The following PEX11G variants were observed in gnomAD, a reference collection of about 807,000 sequenced individuals.
The protein encoded by PEX11G is peroxisomal membrane protein 11C.
Under a neutral mutation model 22.5 loss-of-function variants are expected in PEX11G, and 20 were observed. The observed-to-expected ratio is 0.89, with a 90% CI of 0.62 to 1.29. PEX11G has a LOEUF of 1.29. Ranked by LOEUF, PEX11G falls within the 50% of genes most tolerant of loss-of-function variation. The probability of loss-of-function intolerance (pLI) is 0.00; values close to 1 mark genes in which losing one functional copy is unlikely to be tolerated. For synonymous variants in PEX11G, 141 were observed against 154.5 expected, an observed-to-expected ratio of 0.91 and a Z score of 0.65; for missense variants, 347 against 331.3, an observed-to-expected ratio of 1.05 and a Z score of -0.37.
intron 1 of PEX11G, among the ~76,000 whole-genome samples, chr19:7,486,752 A>AC (rs141966278): frequency 0.047 from 7,139 of 152,146 alleles, 226 homozygotes; most frequent in East Asian, 0.11. Context: ...GGCACCCGCC[A>AC]CCAAGCCCAC....
At chr19:7,483,895 C>A (rs1416848853) in intron 2 of PEX11G, among the ~76,000 whole-genome samples, 2 of 152,146 alleles carry the variant, frequency 1.3e-5, no homozygotes, top group African/African-American at 4.8e-5. Flanking sequence ...GGCTGGCACG[C>A]CTGTGGGACG....
intron 3 of PEX11G, 58 bp downstream of exon 3, chr19:7,481,975 T>C: frequency 6.9e-7 from 1 of 1,451,084 alleles, no homozygotes; most frequent in South Asian, 1.4e-5. Context: ...GCTGCCACTT[T>C]GCTAAGGAGG....
In PEX11G at chr19:7,480,110, A is replaced by C. The variant is rs889564923; in HGVS notation, c.429-1734T>G. The stretch of plus-strand genomic sequence containing the variant: ...AAAACCGTGTCTCTACAGAAAAAAA[A>C]TTACAAAAATTAGCCAGATATGGTG... On this transcript the variant is annotated intron_variant, in intron 3 of 4. Transcript: ENST00000221480. Among the ~76,000 whole-genome samples, 5 of 152,136 alleles carry C rather than the reference A, an allele frequency of 3.3e-5. 1 individual carries two copies. Among genetic ancestry groups the C allele is most frequent in the Non-Finnish European group, 7.4e-5 (5 of 68,022 alleles).
rs754500310 is a variant in PEX11G, at chr19:7,489,018, C to T, written c.-8G>A. ...GCCGCTCAGCGACGCCATGGCAACT[C>T]CGTGACGTCACCGCGACGTCGGCGC... On this transcript the variant is annotated 5_prime_UTR_variant, in exon 1 of 5. Transcript: ENST00000221480. The T allele has an allele frequency of 6.6e-7, 1 of 1,517,234 alleles. No homozygotes were observed. Among genetic ancestry groups the T allele is most frequent in the African/African-American group, 1.4e-5 (1 of 69,600 alleles). The allele number at this position is 1,517,234 out of a possible 1,614,324, so 94.0% of individuals were successfully genotyped here. A position where few individuals can be genotyped will look rare whatever the true frequency, so the allele number is the denominator to read the frequency against.
chr19:7,486,448 T>C (rs575616551), intron 1 of PEX11G, among the ~76,000 whole-genome samples: 1 of 151,248 alleles, frequency 6.6e-6, no homozygotes, highest in Admixed American at 6.6e-5. Context: ...AGATTCTAAA[T>C]CTACAAAGTG....
chr19:7,478,567 G>A (rs564677380), intron 3 of PEX11G, among the ~76,000 whole-genome samples, 191 bp from the exon 4 acceptor site: 1 of 152,340 alleles, frequency 6.6e-6, no homozygotes, highest in African/African-American at 2.4e-5. Flanking sequence ...CTCTAACACG[G>A]CCCCGTCCCA....
At chr19:7,482,446 G>C (rs1245845513) in intron 2 of PEX11G, among the ~76,000 whole-genome samples, 2 of 152,224 alleles carry the variant, frequency 1.3e-5, no homozygotes, top group African/African-American at 4.8e-5. Context: ...TCTCAACGCA[G>C]CTGTGCAGTG....
chr19:7,481,367 A>G (rs1977482299), intron 3 of PEX11G, among the ~76,000 whole-genome samples: 1 of 151,964 alleles, frequency 6.6e-6, no homozygotes, highest in Non-Finnish European at 1.5e-5. Context: ...AGCCCAGCTA[A>G]TTTTTTGTAT....
intron 2 of PEX11G, 94 bp downstream of exon 2, chr19:7,485,744 C>T: frequency 6.0e-6 from 7 of 1,176,182 alleles, no homozygotes; most frequent in South Asian, 3.3e-5. Flanking sequence ...GCTGGGATTA[C>T]AAGCATGAGC....
upstream of PEX11G, chr19:7,489,518 A>G (rs2021827439): frequency 1.0e-6 from 1 of 984,174 alleles, no homozygotes; most frequent in Non-Finnish European, 1.2e-6. Context: ...TTGTTCTAGA[A>G]TACATAAATA....
chr19:7,487,032 G>T (rs924239977), intron 1 of PEX11G, among the ~76,000 whole-genome samples: 1 of 151,636 alleles, frequency 6.6e-6, no homozygotes, highest in Non-Finnish European at 1.5e-5. Flanking sequence ...GGGCAACAGG[G>T]CGAGACCCTG....
intron 3 of PEX11G, among the ~76,000 whole-genome samples, chr19:7,480,720 G>A (rs546835961): frequency 3.9e-5 from 6 of 152,220 alleles, no homozygotes; most frequent in Admixed American, 1.3e-4. Flanking sequence ...CTCGACCAGG[G>A]ACAAGCAAAG....
chr19:7,477,400 C>A lies in PEX11G; in HGVS notation c.528G>T (p.Ala176=). The part of the protein sequence containing the change: ...LPRGKRRAME[A]QMQSEALSLL... The stretch of plus-strand genomic sequence containing the variant: ...GTGACAGCGCCTCCGACTGCATCTG[C>A]GCCTCCATGGCCCTCCGCTTGCCCC... Residue 176 remains alanine (A), a synonymous_variant, in exon 5 of 5, where the codon GCG becomes GCT. Transcript: ENST00000221480. 2 of 1,522,588 alleles carry A rather than the reference C, an allele frequency of 1.3e-6. No individual in the cohort carries two copies. The highest frequency in any genetic ancestry group is 2.5e-5 in the East Asian group (1 of 40,132). 94.3% of individuals were successfully genotyped at this position (1,522,588 alleles called of 1,614,324 possible). A position where few individuals can be genotyped will look rare whatever the true frequency, so the allele number is the denominator to read the frequency against.
chr19:7,494,708 G>A (rs1568386465), intron 1 of PEX11G, among the ~76,000 whole-genome samples: 1 of 152,192 alleles, frequency 6.6e-6, no homozygotes, highest in African/African-American at 2.4e-5. Context: ...GTTGCTAGGA[G>A]CTGGCCTGGC....
At chr19:7,494,370 C>T (rs1475874779) in intron 1 of PEX11G, among the ~76,000 whole-genome samples, 1 of 152,008 alleles carries the variant, frequency 6.6e-6, no homozygotes, top group Non-Finnish European at 1.5e-5. Context: ...CCAGCCTGGG[C>T]GTCAGCAAGA....
chr19:7,492,800 T>A (rs892062719), upstream of PEX11G, among the ~76,000 whole-genome samples: 1 of 152,212 alleles, frequency 6.6e-6, no homozygotes, highest in Non-Finnish European at 1.5e-5. Flanking sequence ...CTCTTGTTAC[T>A]CTTCTCCTGC....
rs369120688 is a variant in PEX11G at position 7,478,390 on chromosome 19, G to A, written c.429-14C>T. The A allele has an allele frequency of 3.1e-6, 5 of 1,604,784 alleles. No individual in the cohort carries two copies. The highest frequency in any genetic ancestry group is 1.3e-5 in the African/African-American group (1 of 74,982). ...ATCCACAGGGACCTGCAGCACCAGA[G>A]CCCGAGGGAGGATGCCCCGGCGGGG... On this transcript the variant is annotated splice_polypyrimidine_tract_variant and intron_variant, in intron 3 of 4. Coordinates refer to ENST00000221480, the MANE Select transcript of PEX11G (RefSeq NM_080662.4).
At chr19:7,486,104 G>A in intron 1 of PEX11G, 78 bp from the exon 2 acceptor site, 1 of 1,285,504 alleles carries the variant, frequency 7.8e-7, no homozygotes, top group Admixed American at 2.3e-5. Flanking sequence ...CCTGGCCCCG[G>A]GCCCCGCTGG....
At chr19:7,487,486 G>A (rs1168257246) in intron 1 of PEX11G, among the ~76,000 whole-genome samples, 1 of 152,086 alleles carries the variant, frequency 6.6e-6, no homozygotes, top group Non-Finnish European at 1.5e-5. Context: ...CGAGTGCAAA[G>A]GTGTGAGCTC....
Sources: gnomAD v4.1 joint callset for allele counts (sites outside exome capture counted in the v4.1 genomes callset) on GRCh38, gnomAD v4.1.1 for gene constraint, MANE v1.5 for transcripts, NCBI Gene and HGNC (gene_info 2026-07-23, HGNC 2026-07-21) for gene names.